Variants in CDH26 observed in about 807,000 individuals in gnomAD.
CDH26 encodes the protein cadherin-like protein 26.
Under a neutral mutation model 90.3 loss-of-function variants are expected in CDH26, and 83 were observed. The observed-to-expected ratio is 0.92, with a 90% CI of 0.77 to 1.10. The LOEUF is 1.10. Ranked by LOEUF, CDH26 falls within the 50% of genes least tolerant of loss-of-function variation. CDH26 has a pLI of 0.00. For synonymous variants in CDH26, 397 were observed against 396.3 expected (o/e 1.00, Z -0.02); for missense variants, 1,013 against 1,037.6 (o/e 0.98, Z 0.33).
At chr20:59,967,016 A>G (rs2061158062) in intron 1 of CDH26, among the ~76,000 whole-genome samples, 1 of 152,196 alleles carries the variant, frequency 6.6e-6, no homozygotes, top group Admixed American at 6.5e-5. Flanking sequence ...TTATGGGATG[A>G]TGATTACTGT....
exon 9 of CDH26, chr20:60,033,553 A>C (rs757748281): frequency 4.6e-6 from 6 of 1,304,470 alleles, no homozygotes; most frequent in Non-Finnish European, 6.1e-6. Flanking sequence ...TGAGAAATGA[A>C]CAAGGTGGGG....
chr20:60,022,332 A>G (rs986820858), intron 7 of CDH26, among the ~76,000 whole-genome samples: 14 of 152,362 alleles, frequency 9.2e-5, no homozygotes, highest in Non-Finnish European at 1.3e-4. Context: ...ATTAGCCTCC[A>G]AATTACCCAG....
intron 17 of CDH26, among the ~76,000 whole-genome samples, chr20:60,011,072 C>A (rs1340304036): frequency 6.6e-6 from 1 of 152,190 alleles, no homozygotes; most frequent in Non-Finnish European, 1.5e-5. Context: ...GTTTAGTGAA[C>A]TTGCCACTCT....
At chr20:59,978,231 A>G (rs2061349612) in intron 4 of CDH26, among the ~76,000 whole-genome samples, 1 of 152,212 alleles carries the variant, frequency 6.6e-6, no homozygotes, top group South Asian at 2.1e-4. Context: ...GCACATACAT[A>G]TTCAACACAT....
Position 59,988,985 on chromosome 20 carries a change from G to C in CDH26, c.1105G>C (p.Gly369Arg), listed in dbSNP as rs374148815. Residue 369 changes from glycine to arginine, a missense_variant, in exon 9 of 18, where the codon GGA (glycine) becomes CGA (arginine). Coordinates refer to ENST00000348616, the MANE Select transcript of CDH26 (RefSeq NM_177980.4). ...GGAGAGGCTCGTCTTCTGTGAGAGA[G>C]GAAAGCTTCAGCCGCCAAGGAAGGC... ...NEERLVFCER[G>R]KLQPPRKAAA... 3.1e-6 allele frequency: 5 copies of C among 1,614,174 alleles called. No individual in the cohort carries two copies. The highest frequency in any genetic ancestry group is 4.2e-6 in the Non-Finnish European group (5 of 1,180,038).
intron 7 of CDH26, among the ~76,000 whole-genome samples, chr20:60,021,889 C>CAT (rs1460325563): frequency 1.7e-3 from 152 of 90,012 alleles, no homozygotes; most frequent in Non-Finnish European, 3.2e-3. Flanking sequence ...CACACACACA[C>CAT]ACACACACAT....
chr20:60,026,423 AGAGG>A (rs1409017342), intron 7 of CDH26, among the ~76,000 whole-genome samples: 5 of 150,730 alleles, frequency 3.3e-5, no homozygotes, highest in African/African-American at 7.4e-5. Flanking sequence ...AGAGAGAGAG[AGAGG>A]GAGAAGAGGA....
At chr20:60,034,256 A>T (rs963760467), downstream of CDH26, among the ~76,000 whole-genome samples, 1 of 152,168 alleles carries the variant, frequency 6.6e-6, no homozygotes, top group South Asian at 2.1e-4. Context: ...ATAAAGCCAC[A>T]TTGTTCGAAG....
At position 60,006,608 on chromosome 20, in the gene CDH26, C is replaced by T. The variant is rs201413345; in HGVS notation, c.2221-105C>T. 1.7e-4 allele frequency: 133 copies of T among 771,986 alleles called. 1 individual carries two copies. Among genetic ancestry groups the T allele is most frequent in the African/African-American group, 8.5e-4 (49 of 57,864 alleles). 47.8% of individuals were successfully genotyped at this position (771,986 alleles called of 1,614,324 possible). A position where few individuals can be genotyped will look rare whatever the true frequency, so the allele number is the denominator to read the frequency against. On this transcript the variant is annotated intron_variant, in intron 16 of 17. Transcript: ENST00000348616. ...GCCTGGCTCTTCACCTCCAAGAGAACGGTGCTCAGTGTGCCCCATCTATGC... is the reference window on the plus strand; with the variant it reads ...GCCTGGCTCTTCACCTCCAAGAGAATGGTGCTCAGTGTGCCCCATCTATGC...
chr20:59,994,196 C>T (rs1336507873), intron 10 of CDH26, 54 bp from the exon 11 acceptor site: 9 of 1,607,768 alleles, frequency 5.6e-6, no homozygotes, highest in East Asian at 2.2e-5. Context: ...GCTCATTCTC[C>T]AGAGCTGTGT....
chr20:59,975,289 G>C (rs952788289), intron 4 of CDH26, among the ~76,000 whole-genome samples: 1 of 152,132 alleles, frequency 6.6e-6, no homozygotes, highest in African/African-American at 2.4e-5. Context: ...TTGACACAGA[G>C]ACAGACGCAG....
Position 59,996,657 on chromosome 20 carries a change from T to A in CDH26, c.1915T>A (p.Tyr639Asn), listed in dbSNP as rs1199358733. 1 of 1,614,220 alleles carries A rather than the reference T, an allele frequency of 6.2e-7. No homozygotes were observed. Among genetic ancestry groups the A allele is most frequent in the Non-Finnish European group, 8.5e-7 (1 of 1,180,042 alleles). The change falls in exon 13 of 18, where the codon TAT becomes AAT. Residue 639 changes from tyrosine to asparagine, a missense_variant. By Grantham distance (143) the Tyr-to-Asn change is moderately radical (BLOSUM62 -2). Coordinates refer to ENST00000348616, the MANE Select transcript of CDH26 (RefSeq NM_177980.4). The part of the protein sequence containing the change: ...AVALLFLLRC[Y>N]FVLEPKRHGC... The stretch of plus-strand genomic sequence containing the variant: ...GGCTCTGCTTTTTCTGTTGCGATGC[T>A]ATTTTGTGCTTGAACCTAAGAGGCA...
intron 12 of CDH26, 170 bp from the exon 13 acceptor site, chr20:59,996,461 C>T: frequency 1.2e-6 from 2 of 1,605,424 alleles, no homozygotes; most frequent in Middle Eastern, 4.4e-4. Context: ...TATGTAGCAT[C>T]TACTGGTACC....
intron 13 of CDH26, among the ~76,000 whole-genome samples, chr20:59,997,578 A>G (rs2061615966): frequency 6.6e-6 from 1 of 152,264 alleles, no homozygotes; most frequent in Non-Finnish European, 1.5e-5. Flanking sequence ...TCCTTGCAGC[A>G]ACCCTGGGCT....
chr20:60,021,857 C>CACACACACACACACACACAT (rs1569068541), intron 7 of CDH26, among the ~76,000 whole-genome samples: 14 of 69,684 alleles, frequency 2.0e-4, no homozygotes, highest in Admixed American at 3.4e-4. Context: ...TGTACACACA[C>CACACACACACACACACACAT]ACACACACAC....
intron 7 of CDH26, among the ~76,000 whole-genome samples, chr20:60,024,184 T>TG (rs1364985869): frequency 6.6e-6 from 1 of 152,216 alleles, no homozygotes; most frequent in Non-Finnish European, 1.5e-5. Flanking sequence ...GTGATTCCTC[T>TG]GGGGGGTTGG....
chr20:59,976,213 A>G (rs1011155626), intron 4 of CDH26, among the ~76,000 whole-genome samples: 2 of 152,210 alleles, frequency 1.3e-5, no homozygotes, highest in African/African-American at 4.8e-5. Flanking sequence ...GTAATTTCAA[A>G]CAGCCATGTG....
intron 4 of CDH26, among the ~76,000 whole-genome samples, chr20:59,977,173 T>C (rs1350187561): frequency 6.6e-6 from 1 of 152,168 alleles, no homozygotes; most frequent in Non-Finnish European, 1.5e-5. Flanking sequence ...GGGCTGGTGC[T>C]GGTGAGTCCG....
In CDH26 at chr20:59,992,245, C is replaced by T; in HGVS notation, c.1284-133C>T. The T allele has an allele frequency of 1.2e-6, 1 of 858,958 alleles. No homozygotes were observed. Among genetic ancestry groups the T allele is most frequent in the Non-Finnish European group, 1.8e-6 (1 of 561,258 alleles). The allele number at this position is 858,958 out of a possible 1,614,324, so 53.2% of individuals were successfully genotyped here. A position where few individuals can be genotyped will look rare whatever the true frequency, so the allele number is the denominator to read the frequency against. ...ATTAAACACTCTCGTAGTTTAATTG[C>T]TCTTAGAATTTCTCAAATTACTTGT... On this transcript the variant is annotated intron_variant, in intron 9 of 17. Transcript: ENST00000348616. The surrounding 1 kb of genome is among the most constrained non-coding windows in gnomAD (Gnocchi z 5.0).
Sources: allele counts gnomAD v4.1 joint callset (sites outside exome capture counted in the v4.1 genomes callset), GRCh38; gene constraint gnomAD v4.1.1; non-coding constraint Gnocchi (gnomAD v3.1); transcripts MANE v1.5; gene names NCBI Gene and HGNC (gene_info 2026-07-23, HGNC 2026-07-21).